The following SV2C variants were observed in gnomAD, a reference collection of about 807,000 sequenced individuals.
SV2C encodes solute carrier family 22 member B3.
SV2C carries 49 observed loss-of-function variants against 79.7 expected under a neutral mutation model. That is an observed-to-expected ratio of 0.61 (90% confidence interval 0.49 to 0.78). The LOEUF (loss-of-function observed/expected upper bound fraction) is 0.78, where lower values mean the gene tolerates loss of function less well. Ranked by LOEUF, SV2C falls within the 30% of genes least tolerant of loss-of-function variation. The pLI is 0.00. For missense variants in SV2C, 833 were observed against 912.9 expected (o/e 0.91, Z 1.13); for synonymous variants, 334 against 333.2 (o/e 1.00, Z -0.03).
chr5:76,033,837 G>A, the SV2C span, among the ~76,000 whole-genome samples: 1 of 151,572 alleles, frequency 6.6e-6, no homozygotes, highest in African/African-American at 2.4e-5. Flanking sequence ...ATTACCTTGG[G>A]CAGTATGGCC....
At chr5:75,885,502 C>A in the SV2C span, among the ~76,000 whole-genome samples, 3,709 of 152,184 alleles carry the variant, frequency 0.024, 146 homozygotes, top group African/African-American at 0.085. Context: ...GTGAAATCTG[C>A]ATCACCTGTG....
the SV2C span, among the ~76,000 whole-genome samples, chr5:76,007,335 C>T: frequency 3.5e-4 from 53 of 152,048 alleles, no homozygotes; most frequent in South Asian, 3.1e-3. Flanking sequence ...GGCATTTGAA[C>T]GCAAACAGAC....
At chr5:76,126,280 A>G (rs13182663) in intron 1 of SV2C, among the ~76,000 whole-genome samples, 8,244 of 152,250 alleles carry the variant, frequency 0.054, 253 homozygotes, top group Non-Finnish European at 0.071. Context: ...GTGATTTTTG[A>G]ACCGTGATTT....
the SV2C span, among the ~76,000 whole-genome samples, chr5:75,960,581 G>T: frequency 1.3e-5 from 2 of 151,798 alleles, no homozygotes; most frequent in African/African-American, 4.8e-5. Flanking sequence ...ATATAGCCTA[G>T]GTCTTTTACT....
At chr5:75,942,905 C>A in the SV2C span, among the ~76,000 whole-genome samples, 1 of 152,260 alleles carries the variant, frequency 6.6e-6, no homozygotes, top group East Asian at 1.9e-4. Context: ...TAGTGCATGT[C>A]TGTAATCCCA....
chr5:75,943,883 C>G, the SV2C span, among the ~76,000 whole-genome samples: 1 of 152,100 alleles, frequency 6.6e-6, no homozygotes, highest in Non-Finnish European at 1.5e-5. Flanking sequence ...GGCAACAGAA[C>G]TTATTACTGC....
At chr5:76,064,899 A>C in the SV2C span, among the ~76,000 whole-genome samples, 1 of 152,190 alleles carries the variant, frequency 6.6e-6, no homozygotes. Flanking sequence ...GAATAATCAA[A>C]AGAACAACAG....
At chr5:76,240,266 C>T (rs989549228) in intron 4 of SV2C, among the ~76,000 whole-genome samples, 1 of 152,232 alleles carries the variant, frequency 6.6e-6, no homozygotes, top group African/African-American at 2.4e-5. Flanking sequence ...GTAATAATTA[C>T]ACAGCAGTTG....
intron 4 of SV2C, among the ~76,000 whole-genome samples, chr5:76,250,344 C>T (rs1561283292): frequency 6.6e-6 from 1 of 152,134 alleles, no homozygotes; most frequent in Non-Finnish European, 1.5e-5. Context: ...TAAAATAGGA[C>T]ATTAGGGCTC....
At chr5:75,852,201 A>T in the SV2C span, among the ~76,000 whole-genome samples, 4 of 152,238 alleles carry the variant, frequency 2.6e-5, no homozygotes, top group African/African-American at 9.6e-5. Context: ...CATTAGGAGA[A>T]ATACCTAATA....
intron 4 of SV2C, among the ~76,000 whole-genome samples, chr5:76,223,480 T>C (rs567205479): frequency 7.1e-5 from 4 of 56,536 alleles, no homozygotes; most frequent in Admixed American, 1.6e-4. Context: ...TATATATATA[T>C]ATATATATAT....
At chr5:76,018,992 G>C in the SV2C span, among the ~76,000 whole-genome samples, 1 of 152,176 alleles carries the variant, frequency 6.6e-6, no homozygotes, top group Non-Finnish European at 1.5e-5. Context: ...CTGCAATAGG[G>C]ATCCTTTTGA....
At chr5:76,139,565 T>C (rs1749184232) in intron 2 of SV2C, among the ~76,000 whole-genome samples, 2 of 152,196 alleles carry the variant, frequency 1.3e-5, no homozygotes, top group African/African-American at 4.8e-5. Context: ...GAGATAGATC[T>C]GTCTTTAGTG....
chr5:76,030,282 T>G, the SV2C span, among the ~76,000 whole-genome samples: 5 of 120,382 alleles, frequency 4.2e-5, no homozygotes, highest in South Asian at 5.0e-4. Flanking sequence ...TTTTTTTTTT[T>G]TTTTTTTTTT....
intron 4 of SV2C, among the ~76,000 whole-genome samples, chr5:76,211,463 C>CGTGTGTGTGTGTGT: frequency 6.7e-6 from 1 of 149,588 alleles, no homozygotes; most frequent in African/African-American, 2.5e-5. Flanking sequence ...GTTCTGGTTG[C>CGTGTGTGTGTGTGT]GTGTGTGTGT....
chr5:76,343,613 G>C (rs1476772935), intron 12 of SV2C, among the ~76,000 whole-genome samples: 1 of 152,166 alleles, frequency 6.6e-6, no homozygotes. Context: ...TGCTGAGGAG[G>C]GGGGCAAATT....
the SV2C span, among the ~76,000 whole-genome samples, chr5:75,925,490 T>C: frequency 6.6e-6 from 1 of 152,168 alleles, no homozygotes; most frequent in African/African-American, 2.4e-5. Context: ...AAACTTCTCA[T>C]GGGCACTCCT....
chr5:76,005,502 TC>T, the SV2C span, among the ~76,000 whole-genome samples: 27 of 152,322 alleles, frequency 1.8e-4, no homozygotes, highest in African/African-American at 6.3e-4. Context: ...AGAACCTCCC[TC>T]TAATAATTTC....
At chr5:76,154,601 A>G (rs1054963524) in intron 2 of SV2C, among the ~76,000 whole-genome samples, 6 of 152,182 alleles carry the variant, frequency 3.9e-5, no homozygotes, top group African/African-American at 1.4e-4. Flanking sequence ...GACTCTACGG[A>G]CACCTGGAAC....
Sources: gnomAD v4.1 joint callset for allele counts (sites outside exome capture counted in the v4.1 genomes callset) on GRCh38, gnomAD v4.1.1 for gene constraint, MANE v1.5 for transcripts, NCBI Gene and HGNC (gene_info 2026-07-23, HGNC 2026-07-21) for gene names.